Variants in BAIAP2L1 observed in about 807,000 individuals in gnomAD.
BAIAP2L1 encodes the protein BAR/IMD domain-containing adapter protein 2-like 1.
BAIAP2L1 carries 35 observed loss-of-function variants against 66.3 expected under a neutral mutation model. That is an observed-to-expected ratio of 0.53 (90% CI 0.40 to 0.70). The LOEUF (loss-of-function observed/expected upper bound fraction) is 0.70, where lower values mean the gene tolerates loss of function less well. Among genes scored for constraint, BAIAP2L1 ranks in the 30% least tolerant of loss-of-function variants. BAIAP2L1 has a pLI of 0.00. For synonymous variants in BAIAP2L1, 269 were observed against 248.7 expected (o/e 1.08, Z -0.77); for missense variants, 622 against 656.9 (o/e 0.95, Z 0.58).
chr7:98,314,207 T>C (rs898873041), intron 7 of BAIAP2L1, among the ~76,000 whole-genome samples: 8 of 152,072 alleles, frequency 5.3e-5, no homozygotes. Context: ...GGTCTCAAAC[T>C]CCTGACCTCA....
In BAIAP2L1 at chr7:98,355,043, C is replaced by T. The variant is rs375658859; in HGVS notation, c.213G>A (p.Leu71=). The T allele has an allele frequency of 6.2e-7, 1 of 1,612,000 alleles. No individual in the cohort carries two copies. The highest frequency in any genetic ancestry group is 8.5e-7 in the Non-Finnish European group (1 of 1,178,068). ...TGTATAAAGGGACAGATCGCTCACC[C>T]AGTTCAGTTGACACGGGGGACCCAG... The part of the protein sequence containing the change: ...IATGSPVSTE[L]GHVLIEISST... Residue 71 remains leucine, a splice_region_variant and synonymous_variant, in exon 3 of 14, where the codon CTG becomes CTA. Transcript: ENST00000005260.
chr7:98,301,475 GTATA>G (rs60741017), intron 12 of BAIAP2L1, among the ~76,000 whole-genome samples: 3 of 142,294 alleles, frequency 2.1e-5, no homozygotes, highest in African/African-American at 2.6e-5. Flanking sequence ...TTTTTTTTTG[GTATA>G]TATATATATA....
At chr7:98,377,925 C>T (rs866013773) in intron 1 of BAIAP2L1, among the ~76,000 whole-genome samples, 3 of 148,770 alleles carry the variant, frequency 2.0e-5, no homozygotes, top group African/African-American at 7.4e-5. Context: ...GTCAGGAGTT[C>T]GAGACCAGCC....
At chr7:98,343,570 G>C (rs1330620280) in intron 3 of BAIAP2L1, among the ~76,000 whole-genome samples, 2 of 152,194 alleles carry the variant, frequency 1.3e-5, no homozygotes, top group African/African-American at 2.4e-5. Flanking sequence ...AAGACGAAGA[G>C]GTTAGGACTT....
chr7:98,369,390 G>C (rs959700230), intron 1 of BAIAP2L1, among the ~76,000 whole-genome samples: 1 of 152,150 alleles, frequency 6.6e-6, no homozygotes, highest in Admixed American at 6.5e-5. Context: ...GGCTGAGGTA[G>C]GTGAATCGCT....
At chr7:98,344,748 A>G (rs1031701954) in intron 3 of BAIAP2L1, among the ~76,000 whole-genome samples, 13 of 152,218 alleles carry the variant, frequency 8.5e-5, no homozygotes, top group Non-Finnish European at 1.5e-5. Context: ...CAGCCTGACC[A>G]ACATGGTGAA....
intron 3 of BAIAP2L1, among the ~76,000 whole-genome samples, chr7:98,340,522 C>T (rs1474143729): frequency 3.3e-5 from 5 of 152,162 alleles, no homozygotes; most frequent in East Asian, 1.9e-4. Context: ...CTCCTGGCCT[C>T]GTGATCCACC....
rs1011734345 is a variant in BAIAP2L1, at chr7:98,292,355, C to CCCA, written c.*1163_*1165dup. The CCCA allele has an allele frequency of 7.6e-6, 3 of 394,442 alleles. No individual in the cohort carries two copies. The highest frequency in any genetic ancestry group is 4.2e-5 in the African/African-American group (2 of 48,162). The allele number at this position is 394,442 out of a possible 1,614,324, so 24.4% of individuals were successfully genotyped here. On this transcript the variant is annotated 3_prime_UTR_variant, in exon 14 of 14. Coordinates refer to ENST00000005260, the MANE Select transcript of BAIAP2L1 (RefSeq NM_018842.5). The stretch of plus-strand genomic sequence containing the variant: ...TCCTGCCTCAGCCTCCTGAGTGGCG[C>CCCA]CCACCACCACACCTGTCTAATTTTT...
intron 2 of BAIAP2L1, among the ~76,000 whole-genome samples, chr7:98,357,625 C>T (rs1802168515): frequency 6.7e-6 from 1 of 150,272 alleles, no homozygotes; most frequent in South Asian, 2.1e-4. Flanking sequence ...TGGTTTTTAC[C>T]ATATACATAT....
At chr7:98,342,187 G>A (rs1296618839) in intron 3 of BAIAP2L1, among the ~76,000 whole-genome samples, 4 of 151,876 alleles carry the variant, frequency 2.6e-5, no homozygotes, top group Admixed American at 6.6e-5. Flanking sequence ...AAGTAGCTGG[G>A]ATTACAGGTG....
rs932338635 is a variant in BAIAP2L1, at chr7:98,291,805, C to G, written c.*1716G>C. 1.3e-5 allele frequency: 2 copies of G among 153,550 alleles called. No homozygotes were observed. Among genetic ancestry groups the G allele is most frequent in the Admixed American group, 1.3e-4 (2 of 15,378 alleles). 9.5% of individuals were successfully genotyped at this position (153,550 alleles called of 1,614,324 possible). A position where few individuals can be genotyped will look rare whatever the true frequency, so the allele number is the denominator to read the frequency against. On this transcript the variant is annotated 3_prime_UTR_variant, in exon 14 of 14. Coordinates refer to ENST00000005260, the MANE Select transcript of BAIAP2L1 (RefSeq NM_018842.5). ...GGGTCTGCAGGTTGCATCCGAGACCCCCAGGTCCTATTCTTCCACCCCGTA... is the reference window on the plus strand; with the variant it reads ...GGGTCTGCAGGTTGCATCCGAGACCGCCAGGTCCTATTCTTCCACCCCGTA...
chr7:98,390,223 G>A (rs897087630), intron 1 of BAIAP2L1, among the ~76,000 whole-genome samples: 12 of 151,768 alleles, frequency 7.9e-5, no homozygotes, highest in Non-Finnish European at 1.6e-4. Context: ...TCTCGGGTTA[G>A]TAAATGTTAA....
At position 98,393,080 on chromosome 7, in the gene BAIAP2L1, CACATATATACATATATACGT is replaced by C. The variant is rs1402655463; in HGVS notation, c.51+7702_51+7721del. 3.5e-5 allele frequency among the ~76,000 whole-genome samples: 3 copies of C among 85,660 alleles called. No individual in the cohort carries two copies. In the East Asian group the frequency reaches 8.5e-4, roughly 24 times the overall value. The allele number at this position is 85,660 out of a possible 152,430, so 56.2% of individuals were successfully genotyped here. Reference sequence around the variant, plus strand: ...ATATGTACACATATATGTATACACACACATATATACATATATACGTGTACATATATGTACACATATATGTA... The same window carrying C: ...ATATGTACACATATATGTATACACACGTACATATATGTACACATATATGTA... On this transcript the variant is annotated intron_variant, in intron 1 of 13. Coordinates refer to ENST00000005260, the MANE Select transcript of BAIAP2L1 (RefSeq NM_018842.5).
chr7:98,362,053 T>C (rs972072787), intron 2 of BAIAP2L1, among the ~76,000 whole-genome samples: 3 of 152,170 alleles, frequency 2.0e-5, no homozygotes, highest in Non-Finnish European at 4.4e-5. Flanking sequence ...GACCCTAACT[T>C]ATAAATGTCT....
At chr7:98,380,752 T>C (rs1033508909) in intron 1 of BAIAP2L1, among the ~76,000 whole-genome samples, 8 of 126,222 alleles carry the variant, frequency 6.3e-5, no homozygotes, top group African/African-American at 2.3e-4. Context: ...TTTTTTTTTT[T>C]AATAAAAAAA....
At chr7:98,365,834 A>G (rs964457131) in intron 1 of BAIAP2L1, among the ~76,000 whole-genome samples, 2 of 152,154 alleles carry the variant, frequency 1.3e-5, no homozygotes, top group African/African-American at 4.8e-5. Context: ...TAGATGCAGT[A>G]TCTTCTCCTG....
chr7:98,302,624 T>C (rs1800474951), intron 12 of BAIAP2L1, among the ~76,000 whole-genome samples: 2 of 152,088 alleles, frequency 1.3e-5, no homozygotes, highest in African/African-American at 4.8e-5. Flanking sequence ...AAAATCCAGA[T>C]GGGGGACACC....
chr7:98,385,728 CT>C (rs112286286), intron 1 of BAIAP2L1: 9 of 1,087,076 alleles, frequency 8.3e-6, no homozygotes, highest in East Asian at 5.0e-5. Context: ...ATCAACATTT[CT>C]TTTTTTTGTT....
chr7:98,327,024 G>C (rs1347214311), intron 3 of BAIAP2L1, among the ~76,000 whole-genome samples: 3 of 152,144 alleles, frequency 2.0e-5, no homozygotes, highest in Non-Finnish European at 4.4e-5. Context: ...TTCCAGCTGA[G>C]AACACACAAT....
Sources: allele counts gnomAD v4.1 joint callset (sites outside exome capture counted in the v4.1 genomes callset), GRCh38; gene constraint gnomAD v4.1.1; transcripts MANE v1.5; gene names NCBI Gene and HGNC (gene_info 2026-07-23, HGNC 2026-07-21).